TENM2: variants seen among roughly 807,000 people sequenced by gnomAD.
TENM2 encodes the protein teneurin transmembrane protein 2.
In TENM2, 52 loss-of-function variants were observed where a neutral mutation model predicts 245.2. That is an observed-to-expected ratio of 0.21 (90% confidence interval 0.17 to 0.27). The LOEUF (loss-of-function observed/expected upper bound fraction) is 0.27, where lower values mean the gene tolerates loss of function less well. TENM2 is among the 10% of genes least tolerant of loss of function. TENM2 has a pLI of 1.00. For synonymous variants in TENM2, 1,363 were observed against 1,438.9 expected, an observed-to-expected ratio of 0.95 and a Z score of 1.19; for missense variants, 3,046 against 3,666.8, an observed-to-expected ratio of 0.83 and a Z score of 4.37.
chr5:167,240,436 T>C, the TENM2 span, among the ~76,000 whole-genome samples: 1 of 152,194 alleles, frequency 6.6e-6, no homozygotes, highest in Non-Finnish European at 1.5e-5. Flanking sequence ...ATTCTGCCGA[T>C]CTTTTACCTC....
intron 2 of TENM2, among the ~76,000 whole-genome samples, chr5:167,581,547 G>A (rs1328028123): frequency 6.6e-6 from 1 of 152,128 alleles, no homozygotes; most frequent in Non-Finnish European, 1.5e-5. Flanking sequence ...TGTATGTAGA[G>A]GATTCCTCTT....
the TENM2 span, among the ~76,000 whole-genome samples, chr5:167,180,174 A>T: frequency 0.036 from 4,987 of 139,744 alleles, 299 homozygotes; most frequent in African/African-American, 0.13. Context: ...ATGGCATGAT[A>T]TCTAGGCTCA....
chr5:168,170,041 C>G (rs916815684), intron 13 of TENM2, among the ~76,000 whole-genome samples: 3 of 152,198 alleles, frequency 2.0e-5, no homozygotes, highest in Non-Finnish European at 4.4e-5. Flanking sequence ...GAATTAGCCT[C>G]AACTGAGATC....
chr5:168,213,120 T>C (rs1762912281), intron 20 of TENM2, among the ~76,000 whole-genome samples: 1 of 152,232 alleles, frequency 6.6e-6, no homozygotes, highest in South Asian at 2.1e-4. Context: ...TTTCCCTTTC[T>C]GCCCTAATTT....
chr5:167,861,898 G>A (rs999950496), intron 2 of TENM2, among the ~76,000 whole-genome samples: 1 of 152,230 alleles, frequency 6.6e-6, no homozygotes, highest in African/African-American at 2.4e-5. Flanking sequence ...ATTAAAAAGA[G>A]AGAGCAAGGG....
intron 2 of TENM2, among the ~76,000 whole-genome samples, chr5:167,602,584 T>C (rs1453612204): frequency 6.6e-6 from 1 of 152,202 alleles, no homozygotes; most frequent in Non-Finnish European, 1.5e-5. Flanking sequence ...TTAGAAGACT[T>C]GCTCAAGTCC....
At chr5:167,668,269 A>G (rs1755703143) in intron 2 of TENM2, among the ~76,000 whole-genome samples, 1 of 152,162 alleles carries the variant, frequency 6.6e-6, no homozygotes, top group Non-Finnish European at 1.5e-5. Flanking sequence ...AGAAACAGAA[A>G]TCTAGCTCTT....
rs557598084 is a variant in TENM2, at chr5:167,394,710, C to T, written c.502+19237C>T. On this transcript the variant is annotated intron_variant, in intron 2 of 28. Coordinates refer to ENST00000518659, the Ensembl canonical transcript of TENM2. Reference sequence around the variant, plus strand: ...TCCTGGGGTCAAGTGATTCTCCTGCCTCAATCTCCCGAATAGCTGGAACTT... The same window carrying T: ...TCCTGGGGTCAAGTGATTCTCCTGCTTCAATCTCCCGAATAGCTGGAACTT... 6.8e-4 allele frequency among the ~76,000 whole-genome samples: 104 copies of T among 152,180 alleles called. 1 individual carries two copies. Among genetic ancestry groups the T allele is most frequent in the African/African-American group, 2.2e-3 (93 of 41,522 alleles).
chr5:167,714,482 T>G (rs531382741), intron 2 of TENM2, among the ~76,000 whole-genome samples: 1 of 152,272 alleles, frequency 6.6e-6, no homozygotes, highest in African/African-American at 2.4e-5. Context: ...TGGCATCTCT[T>G]AGCTGAATTA....
At position 167,472,326 on chromosome 5, in the gene TENM2, C is replaced by T. The variant is rs77390872; in HGVS notation, c.502+96853C>T. On this transcript the variant is annotated intron_variant, in intron 2 of 28. Transcript: ENST00000518659. ...TATACCCATTATTGGAAATTATAGC[C>T]AGTGTTTTAAGTGTAAAGTAAAATA... 3.3e-3 allele frequency among the ~76,000 whole-genome samples: 495 copies of T among 152,258 alleles called. 2 individuals carry two copies. Among genetic ancestry groups the T allele is most frequent in the African/African-American group, 0.011 (442 of 41,564 alleles).
intron 9 of TENM2, among the ~76,000 whole-genome samples, chr5:168,112,663 T>A (rs1483998348): frequency 6.7e-6 from 1 of 148,302 alleles, no homozygotes. Context: ...ATTGCAGGGA[T>A]CTTGCTAGAA....
chr5:167,452,950 T>TATATTTTTTTTTTTTTTTAA (rs1561968205), intron 2 of TENM2, among the ~76,000 whole-genome samples: 6 of 99,630 alleles, frequency 6.0e-5, no homozygotes, highest in African/African-American at 2.0e-4. Flanking sequence ...TATATATATA[T>TATATTTTTTTTTTTTTTTAA]ATATATATAT....
intron 12 of TENM2, among the ~76,000 whole-genome samples, chr5:168,147,833 C>G (rs1297129618): frequency 6.6e-6 from 1 of 152,142 alleles, no homozygotes; most frequent in Non-Finnish European, 1.5e-5. Context: ...ACCCGAGCAT[C>G]CCTAAATCAA....
chr5:167,441,807 T>C (rs966569369), intron 2 of TENM2, among the ~76,000 whole-genome samples: 18 of 152,176 alleles, frequency 1.2e-4, no homozygotes, highest in Non-Finnish European at 2.5e-4. Context: ...GTGCTTCTCT[T>C]GCGATGATGG....
At chr5:167,976,639 T>G (rs1383262579) in intron 4 of TENM2, among the ~76,000 whole-genome samples, 1 of 152,214 alleles carries the variant, frequency 6.6e-6, no homozygotes, top group African/African-American at 2.4e-5. Context: ...TGATCTTGCC[T>G]TCTAAAATAA....
chr5:167,151,678 C>G, the TENM2 span, among the ~76,000 whole-genome samples: 194 of 152,202 alleles, frequency 1.3e-3, 2 homozygotes, highest in African/African-American at 4.6e-3. Flanking sequence ...GCCACCCTGC[C>G]TGGCTAACTT....
the TENM2 span, among the ~76,000 whole-genome samples, chr5:167,155,861 G>A: frequency 6.6e-6 from 1 of 152,210 alleles, no homozygotes; most frequent in Non-Finnish European, 1.5e-5. Context: ...GTGGAAAATG[G>A]CAATAGGTTT....
the TENM2 span, among the ~76,000 whole-genome samples, chr5:167,023,333 T>C: frequency 2.6e-5 from 4 of 152,234 alleles, no homozygotes; most frequent in South Asian, 8.3e-4. Flanking sequence ...GAATTATGCT[T>C]GACTTAATAT....
chr5:167,039,303 G>A, the TENM2 span, among the ~76,000 whole-genome samples: 1 of 152,086 alleles, frequency 6.6e-6, no homozygotes, highest in African/African-American at 2.4e-5. Context: ...CCGCACTGGG[G>A]AGATTCTTGG....
Sources: allele counts gnomAD v4.1 joint callset (sites outside exome capture counted in the v4.1 genomes callset), GRCh38; gene constraint gnomAD v4.1.1; transcripts MANE v1.5; gene names NCBI Gene and HGNC (gene_info 2026-07-23, HGNC 2026-07-21).